Variants in NUP214 observed in about 807,000 individuals in gnomAD.
NUP214 encodes nucleoporin 214.
A neutral mutation model predicts 196.2 loss-of-function variants in NUP214; 79 were observed. The observed-to-expected ratio is 0.40, with a 90% CI of 0.34 to 0.49. The LOEUF (loss-of-function observed/expected upper bound fraction) is 0.49. Ranked by LOEUF, NUP214 falls within the 20% of genes least tolerant of loss-of-function variation. NUP214 has a pLI of 0.58. For missense variants in NUP214, 2,468 were observed against 2,539.0 expected (o/e 0.97, Z 0.60); for synonymous variants, 1,020 against 990.5 (o/e 1.03, Z -0.56).
chr9:131,192,495 T>C (rs1833635737), intron 27 of NUP214: 2 of 411,382 alleles, frequency 4.9e-6, no homozygotes, highest in South Asian at 5.5e-5. Context: ...TTAATACTTG[T>C]TTGTTACATA....
At position 131,228,123 on chromosome 9, in the gene NUP214, C is replaced by T. The variant is rs749226478; in HGVS notation, c.5903-37C>T. The T allele has an allele frequency of 4.0e-6, 6 of 1,499,960 alleles. No individual in the cohort carries two copies. The South Asian group carries it at 7.9e-5, about 20-fold the overall frequency. 92.9% of individuals were successfully genotyped at this position (1,499,960 alleles called of 1,614,324 possible). A position where few individuals can be genotyped will look rare whatever the true frequency, so the allele number is the denominator to read the frequency against. The stretch of plus-strand genomic sequence containing the variant: ...TCTCTTCCTGTCTCCTCCTTTCTTT[C>T]TCCCTATTTCTGTTTGTTTGCCTCT... On this transcript the variant is annotated intron_variant, in intron 32 of 35. Transcript: ENST00000359428.
At chr9:131,168,063 T>C (rs917018440) in intron 21 of NUP214, among the ~76,000 whole-genome samples, 2 of 152,182 alleles carry the variant, frequency 1.3e-5, no homozygotes, top group Admixed American at 1.3e-4. Context: ...ATAATTTTTT[T>C]AGTTTTTGTA....
intron 24 of NUP214, among the ~76,000 whole-genome samples, chr9:131,179,060 G>C (rs773365012): frequency 6.6e-6 from 1 of 152,006 alleles, no homozygotes; most frequent in African/African-American, 2.4e-5. Flanking sequence ...AGTGCAGTAC[G>C]ATCATGGCAC....
intron 30 of NUP214, among the ~76,000 whole-genome samples, chr9:131,202,356 T>A (rs1833962127): frequency 6.6e-6 from 1 of 152,208 alleles, no homozygotes; most frequent in South Asian, 2.1e-4. Context: ...TGTTTGTGTG[T>A]GTGTGTCTAT....
chr9:131,182,241 AT>A (rs1196932102), intron 24 of NUP214, among the ~76,000 whole-genome samples: 2 of 152,252 alleles, frequency 1.3e-5, no homozygotes, highest in Non-Finnish European at 2.9e-5. Context: ...ATTTAAAAAA[AT>A]AAAATGGATT....
intron 17 of NUP214, chr9:131,158,931 G>T (rs1832541261): frequency 6.5e-6 from 1 of 153,158 alleles, no homozygotes; most frequent in Admixed American, 6.5e-5. Context: ...GTTTTTAGTA[G>T]AGACGGGGTT....
intron 17 of NUP214, among the ~76,000 whole-genome samples, chr9:131,158,223 C>T (rs962458268): frequency 3.3e-5 from 5 of 152,106 alleles, no homozygotes; most frequent in Non-Finnish European, 4.4e-5. Context: ...GGATTATAGG[C>T]ATGCATCACC....
At chr9:131,171,735 GA>G (rs1832965464) in intron 21 of NUP214, among the ~76,000 whole-genome samples, 1 of 151,924 alleles carries the variant, frequency 6.6e-6, no homozygotes, top group African/African-American at 2.4e-5. Flanking sequence ...CCCAGAGTGT[GA>G]TATTCCCCTT....
At position 131,144,297 on chromosome 9, in the gene NUP214, C is replaced by T; in HGVS notation, c.1312C>T (p.Pro438Ser). The T allele has an allele frequency of 2.5e-6, 4 of 1,613,638 alleles. No homozygotes were observed. Among genetic ancestry groups the T allele is most frequent in the Non-Finnish European group, 3.4e-6 (4 of 1,179,878 alleles). ...PKSPGSTPTTPTSSQAPQKLD... is the reference protein window; with the variant it reads ...PKSPGSTPTTSTSSQAPQKLD... ...CACTGCAGGAAGTACTCCCACTACCCCAACCTCCTCTCAAGCCCCACAGAA... is the reference window on the plus strand; with the variant it reads ...CACTGCAGGAAGTACTCCCACTACCTCAACCTCCTCTCAAGCCCCACAGAA... The change falls in exon 12 of 36, where the codon CCA (proline) becomes TCA (serine). Residue 438 changes from proline (P) to serine (S), a missense_variant. Pro to Ser is a moderately conservative substitution (Grantham distance 74). Coordinates refer to ENST00000359428, the MANE Select transcript of NUP214 (RefSeq NM_005085.4).
chr9:131,205,083 C>G (rs1834041032), intron 30 of NUP214, among the ~76,000 whole-genome samples: 1 of 152,062 alleles, frequency 6.6e-6, no homozygotes, highest in African/African-American at 2.4e-5. Context: ...TCTAGCAGAC[C>G]TGACTCCAGT....
intron 21 of NUP214, among the ~76,000 whole-genome samples, chr9:131,164,869 CTTTG>C (rs746067280): frequency 6.6e-6 from 1 of 152,218 alleles, no homozygotes; most frequent in African/African-American, 2.4e-5. Flanking sequence ...GGCATAACTG[CTTTG>C]TTTTAGTATC....
At chr9:131,229,738 G>A (rs758231498) in intron 33 of NUP214, 3 of 518,982 alleles carry the variant, frequency 5.8e-6, no homozygotes, top group Admixed American at 1.9e-5. Flanking sequence ...GAGGAGGAAG[G>A]GAGCAGGCCG....
intron 11 of NUP214, 152 bp downstream of exon 11, chr9:131,140,862 A>T (rs353540): frequency 1.5e-6 from 1 of 651,592 alleles, no homozygotes; most frequent in Admixed American, 3.5e-5. Flanking sequence ...TTTTTTAAAC[A>T]TGCATGTACA....
At chr9:131,126,991 C>T (rs1398753038) in intron 1 of NUP214, 1 of 152,238 alleles carries the variant, frequency 6.6e-6, no homozygotes, top group Non-Finnish European at 1.5e-5. Context: ...TAATCTCGCA[C>T]TCCCTTTGGC....
intron 27 of NUP214, chr9:131,193,805 C>G (rs1426037019): frequency 6.6e-6 from 1 of 151,126 alleles, no homozygotes; most frequent in African/African-American, 2.4e-5. Flanking sequence ...GTGTGCACCA[C>G]CACACCCAGC....
At chr9:131,159,779 C>A (rs1832575130) in intron 18 of NUP214, among the ~76,000 whole-genome samples, 1 of 151,974 alleles carries the variant, frequency 6.6e-6, no homozygotes, top group Non-Finnish European at 1.5e-5. Flanking sequence ...ATCGCTTGAA[C>A]CCAGGAGGCG....
chr9:131,229,950 C>T (rs879466555), intron 33 of NUP214: 2 of 355,650 alleles, frequency 5.6e-6, no homozygotes, highest in Non-Finnish European at 5.5e-6. Context: ...TAGTCACCTC[C>T]AGACCCCAGA....
intron 28 of NUP214, 132 bp downstream of exon 28, chr9:131,195,426 A>G (rs1288652265): frequency 1.5e-6 from 1 of 684,586 alleles, no homozygotes; most frequent in African/African-American, 1.8e-5. Context: ...CTCAGTGTTG[A>G]TAATGTGCAT....
chr9:131,184,279 C>T (rs1833386277), intron 24 of NUP214, among the ~76,000 whole-genome samples: 2 of 150,774 alleles, frequency 1.3e-5, no homozygotes, highest in South Asian at 4.2e-4. Flanking sequence ...GATCCACCCA[C>T]CTTGGCCTCC....
Sources: gnomAD v4.1 joint callset for allele counts (sites outside exome capture counted in the v4.1 genomes callset) on GRCh38, gnomAD v4.1.1 for gene constraint, MANE v1.5 for transcripts, NCBI Gene and HGNC (gene_info 2026-07-23, HGNC 2026-07-21) for gene names.